Variants in LAMA2 observed in about 807,000 individuals in gnomAD.
The protein encoded by LAMA2 is laminin subunit alpha-2.
A neutral mutation model predicts 364.8 loss-of-function variants in LAMA2; 269 were observed. That is an observed-to-expected ratio of 0.74 (90% confidence interval 0.67 to 0.82). The LOEUF is 0.82. LAMA2 is among the 40% of genes least tolerant of loss of function. The pLI is 0.00. For synonymous variants in LAMA2, 1,379 were observed against 1,370.6 expected (o/e 1.01, Z -0.14); for missense variants, 3,807 against 3,873.2 (o/e 0.98, Z 0.45).
At chr6:129,295,105 C>A (rs983617633) in intron 20 of LAMA2, among the ~76,000 whole-genome samples, 2 of 152,150 alleles carry the variant, frequency 1.3e-5, no homozygotes, top group Non-Finnish European at 2.9e-5. Flanking sequence ...GCCAACCTAG[C>A]TGATCTGGAA....
chr6:129,500,723 C>T (rs1175110455), intron 58 of LAMA2, among the ~76,000 whole-genome samples: 1 of 152,170 alleles, frequency 6.6e-6, no homozygotes, highest in Non-Finnish European at 1.5e-5. Flanking sequence ...CAAAAAACTG[C>T]TGCTTAGCTC....
rs771297225 is a variant in LAMA2, at chr6:129,316,114, A to G, written c.4001A>G (p.Tyr1334Cys). 4.4e-6 allele frequency: 7 copies of G among 1,606,598 alleles called. No individual in the cohort carries two copies. Among genetic ancestry groups the G allele is most frequent in the Admixed American group, 1.7e-5 (1 of 60,014 alleles). The change falls in exon 27 of 65, where the codon TAT becomes TGT. Residue 1334 changes from tyrosine to cysteine, a missense_variant. Tyr to Cys is a radical substitution (Grantham distance 194). Transcript: ENST00000421865. The part of the protein sequence containing the change: ...VTREDFLDIL[Y>C]DIHYILIKAT... ...CGAGAAGACTTCTTGGATATACTATATGATATTCATTACATTCTTATCAAA... is the reference window on the plus strand; with the variant it reads ...CGAGAAGACTTCTTGGATATACTATGTGATATTCATTACATTCTTATCAAA...
rs753835841 is a variant in LAMA2, at chr6:129,098,243, G to A, written c.467G>A (p.Arg156His). ...CGGCCTGGAAACTGGATTTTGGAAC[G>A]CTCTCTTGATGATGTTGAATACAAG... is the stretch of plus-strand genomic sequence containing the variant. The part of the protein sequence containing the change: ...SPRPGNWILE[R>H]SLDDVEYKPW... The change falls in exon 4 of 65, where the codon CGC becomes CAC. Residue 156 changes from arginine to histidine, a missense_variant. By Grantham distance (29) the Arg-to-His change is conservative (BLOSUM62 0). Coordinates refer to ENST00000421865, the MANE Select transcript of LAMA2 (RefSeq NM_000426.4). The A allele has an allele frequency of 2.0e-5, 33 of 1,613,976 alleles. 1 individual carries two copies. Among genetic ancestry groups the A allele is most frequent in the South Asian group, 1.8e-4 (16 of 91,084 alleles).
intron 15 of LAMA2, among the ~76,000 whole-genome samples, chr6:129,264,863 A>T (rs777697513): frequency 6.6e-6 from 1 of 152,196 alleles, no homozygotes; most frequent in Non-Finnish European, 1.5e-5. Flanking sequence ...GTGGTGACAC[A>T]AAACAGATTA....
At chr6:128,921,075 A>G (rs537456240) in intron 1 of LAMA2, among the ~76,000 whole-genome samples, 1 of 152,332 alleles carries the variant, frequency 6.6e-6, no homozygotes, top group Non-Finnish European at 1.5e-5. Flanking sequence ...CTTGCCTGCA[A>G]TGTACAAACT....
Position 129,454,253 on chromosome 6 carries a change from T to G in LAMA2, c.6672T>G (p.Ile2224Met). 4 of 1,612,184 alleles carry G rather than the reference T, an allele frequency of 2.5e-6. No individual in the cohort carries two copies. The highest frequency in any genetic ancestry group is 3.4e-6 in the Non-Finnish European group (4 of 1,178,504). Residue 2224 changes from isoleucine to methionine, a missense_variant, in exon 47 of 65, where the codon ATT becomes ATG. Physicochemically the swap from Ile to Met is conservative, Grantham distance 10. Transcript: ENST00000421865. Reference sequence around the variant, plus strand: ...GTGTAGAGTACCCAGATTTGACTATTGATGACTCATATTGGTACCGTATCG... The same window carrying G: ...GTGTAGAGTACCCAGATTTGACTATGGATGACTCATATTGGTACCGTATCG... ...VGRVEYPDLT[I>M]DDSYWYRIVA...
At chr6:129,385,702 T>C (rs1452957321) in intron 35 of LAMA2, among the ~76,000 whole-genome samples, 1 of 152,216 alleles carries the variant, frequency 6.6e-6, no homozygotes, top group Non-Finnish European at 1.5e-5. Flanking sequence ...TAAACTGTTT[T>C]ATTCCACGCA....
intron 51 of LAMA2, among the ~76,000 whole-genome samples, chr6:129,466,153 A>G (rs777937759): frequency 3.3e-5 from 5 of 151,970 alleles, no homozygotes; most frequent in Non-Finnish European, 4.4e-5. Flanking sequence ...TCTAAGTACC[A>G]TGTAAGAACT....
chr6:128,891,751 G>A (rs914482461), intron 1 of LAMA2, among the ~76,000 whole-genome samples: 1 of 152,034 alleles, frequency 6.6e-6, no homozygotes, highest in Non-Finnish European at 1.5e-5. Flanking sequence ...AAACACACAA[G>A]TATTTGAATT....
At chr6:129,247,907 C>T (rs1044835541) in intron 12 of LAMA2, among the ~76,000 whole-genome samples, 2 of 152,066 alleles carry the variant, frequency 1.3e-5, no homozygotes, top group African/African-American at 4.8e-5. Flanking sequence ...TATTTTTCTG[C>T]GTATTTATTT....
At chr6:128,962,185 T>TATATATATATATATATATATATAC (rs1214826895) in intron 1 of LAMA2, among the ~76,000 whole-genome samples, 6 of 103,918 alleles carry the variant, frequency 5.8e-5, no homozygotes, top group Non-Finnish European at 1.0e-4. Context: ...TATATATATA[T>TATATATATATATATATATATATAC]ACACACATAC....
At chr6:128,963,998 A>G (rs1781694453) in intron 1 of LAMA2, among the ~76,000 whole-genome samples, 1 of 152,048 alleles carries the variant, frequency 6.6e-6, no homozygotes, top group African/African-American at 2.4e-5. Context: ...TTCTCTTTTG[A>G]TCTTTGAATA....
rs867998157 is a variant in LAMA2 at position 129,200,253 on chromosome 6, T to C, written c.1782+7400T>C. On this transcript the variant is annotated intron_variant, in intron 12 of 64. Transcript: ENST00000421865. Reference sequence around the variant, plus strand: ...GTACACATATACATGTGTATATATATACGTGTACACATATACATGTGTATA... The same window carrying C: ...GTACACATATACATGTGTATATATACACGTGTACACATATACATGTGTATA... Among the ~76,000 whole-genome samples, 7 of 92,242 alleles carry C rather than the reference T, an allele frequency of 7.6e-5. 1 individual carries two copies. The highest frequency in any genetic ancestry group is 1.1e-4 in the Non-Finnish European group (5 of 43,700). 60.5% of individuals were successfully genotyped at this position (92,242 alleles called of 152,430 possible).
rs78942652 is a variant in LAMA2, at chr6:129,142,533, G to T, written c.640-1368G>T. Among the ~76,000 whole-genome samples the T allele has an allele frequency of 9.9e-5, 15 of 151,998 alleles. No homozygotes were observed. In the South Asian group the frequency reaches 2.3e-3, roughly 23 times the overall value. ...GGTTTCAACATATGAATTTTAGTAGGGGGGAGGCAAACATTCAGTCCATTA... is the reference window on the plus strand; with the variant it reads ...GGTTTCAACATATGAATTTTAGTAGTGGGGAGGCAAACATTCAGTCCATTA... On this transcript the variant is annotated intron_variant, in intron 4 of 64. Transcript: ENST00000421865.
At chr6:128,899,426 A>C (rs1776950442) in intron 1 of LAMA2, among the ~76,000 whole-genome samples, 1 of 152,216 alleles carries the variant, frequency 6.6e-6, no homozygotes, top group Admixed American at 6.5e-5. Context: ...TAGCTCTTTA[A>C]CAGTTATAAA....
At chr6:129,086,984 G>A (rs558906112) in intron 3 of LAMA2, among the ~76,000 whole-genome samples, 6 of 152,174 alleles carry the variant, frequency 3.9e-5, no homozygotes, top group East Asian at 1.9e-4. Flanking sequence ...TGAATCCTTC[G>A]TTGTACCACC....
At chr6:129,326,713 ATATT>A (rs985470503) in intron 28 of LAMA2, among the ~76,000 whole-genome samples, 6 of 143,348 alleles carry the variant, frequency 4.2e-5, no homozygotes, top group African/African-American at 1.5e-4. Flanking sequence ...TTTTATATAC[ATATT>A]TATATATTAT....
chr6:129,043,792 A>G (rs1418154322), intron 1 of LAMA2, among the ~76,000 whole-genome samples: 1 of 152,086 alleles, frequency 6.6e-6, no homozygotes, highest in Non-Finnish European at 1.5e-5. Context: ...TTGTTGTCGC[A>G]TCAGTTGGTT....
At chr6:129,466,080 C>T (rs575432995) in intron 51 of LAMA2, among the ~76,000 whole-genome samples, 2 of 151,862 alleles carry the variant, frequency 1.3e-5, no homozygotes, top group East Asian at 1.9e-4. Context: ...TGAAAATTTA[C>T]GTTTAAATTT....
Sources: allele counts gnomAD v4.1 joint callset (sites outside exome capture counted in the v4.1 genomes callset), GRCh38; gene constraint gnomAD v4.1.1; transcripts MANE v1.5; gene names NCBI Gene and HGNC (gene_info 2026-07-23, HGNC 2026-07-21).